The following BBS9 variants were observed in gnomAD, a reference collection of about 807,000 sequenced individuals.
BBS9 encodes the protein protein PTHB1.
A neutral mutation model predicts 117.7 loss-of-function variants in BBS9; 89 were observed. The observed-to-expected ratio is 0.76, with a 90% CI of 0.64 to 0.90. The LOEUF (loss-of-function observed/expected upper bound fraction) is 0.90, where lower values mean the gene tolerates loss of function less well. BBS9 is among the 40% of genes least tolerant of loss of function. The pLI is 0.00. For synonymous variants in BBS9, 379 were observed against 370.9 expected (o/e 1.02, Z -0.25); for missense variants, 982 against 1,042.2 (o/e 0.94, Z 0.80).
At chr7:33,412,371 A>T (rs1831303702) in intron 19 of BBS9, among the ~76,000 whole-genome samples, 1 of 152,200 alleles carries the variant, frequency 6.6e-6, no homozygotes. Context: ...TGCTCAGTAC[A>T]CATTTGTTGA....
chr7:33,495,997 G>A (rs991563603), intron 19 of BBS9, among the ~76,000 whole-genome samples: 3 of 152,008 alleles, frequency 2.0e-5, no homozygotes, highest in Non-Finnish European at 4.4e-5. Flanking sequence ...AGTGTGGATT[G>A]GTGTCCGGGA....
chr7:33,448,284 C>G (rs1238501950), intron 19 of BBS9, among the ~76,000 whole-genome samples: 1 of 152,158 alleles, frequency 6.6e-6, no homozygotes, highest in African/African-American at 2.4e-5. Context: ...GTTTCCTAGC[C>G]TTTCTGATGT....
chr7:33,627,460 C>A (rs909430440), intron 21 of BBS9, among the ~76,000 whole-genome samples: 1 of 152,204 alleles, frequency 6.6e-6, no homozygotes, highest in Non-Finnish European at 1.5e-5. Context: ...CCCAGTGGGG[C>A]ACTGCCTAGT....
At chr7:33,542,923 C>G (rs1852628235) in intron 21 of BBS9, among the ~76,000 whole-genome samples, 1 of 151,818 alleles carries the variant, frequency 6.6e-6, no homozygotes, top group Non-Finnish European at 1.5e-5. Flanking sequence ...TATAAACATG[C>G]ATGTGCAAGT....
chr7:33,359,773 T>C (rs1454963429), intron 16 of BBS9, among the ~76,000 whole-genome samples: 1 of 152,096 alleles, frequency 6.6e-6, no homozygotes, highest in East Asian at 1.9e-4. Context: ...ACTTTTACTC[T>C]ACATGTCTTC....
intron 20 of BBS9, among the ~76,000 whole-genome samples, chr7:33,516,800 A>G (rs1025449823): frequency 1.3e-5 from 2 of 152,212 alleles, no homozygotes; most frequent in Non-Finnish European, 1.5e-5. Flanking sequence ...AATTTGGTCT[A>G]TTGCCTAACA....
intron 15 of BBS9, 134 bp from the exon 16 acceptor site, chr7:33,357,721 C>T (rs1175749073): frequency 1.1e-6 from 1 of 876,168 alleles, no homozygotes; most frequent in Admixed American, 1.8e-5. Context: ...ACAGTTATTT[C>T]AGCTTTGTTA....
At chr7:33,625,177 T>C (rs779090756) in intron 21 of BBS9, among the ~76,000 whole-genome samples, 8 of 152,196 alleles carry the variant, frequency 5.3e-5, no homozygotes, top group Non-Finnish European at 7.3e-5. Flanking sequence ...TTATAGTACC[T>C]TGGGTCCTAT....
At chr7:33,451,326 C>T (rs934714042) in intron 19 of BBS9, among the ~76,000 whole-genome samples, 47 of 152,114 alleles carry the variant, frequency 3.1e-4, no homozygotes, top group African/African-American at 1.1e-3. Flanking sequence ...ATTATAGTTT[C>T]AGGTCTTATG....
At chr7:33,450,303 T>C (rs1276001592) in intron 19 of BBS9, among the ~76,000 whole-genome samples, 2 of 152,222 alleles carry the variant, frequency 1.3e-5, no homozygotes, top group East Asian at 3.8e-4. Flanking sequence ...CTTCTTCCCC[T>C]TGGCAATTGC....
At chr7:33,376,704 T>G (rs1265829058) in intron 17 of BBS9, among the ~76,000 whole-genome samples, 1 of 152,218 alleles carries the variant, frequency 6.6e-6, no homozygotes, top group African/African-American at 2.4e-5. Context: ...TGCTAGCCTC[T>G]GTTATTTTTT....
chr7:33,383,284 C>G (rs1825407362), intron 17 of BBS9, among the ~76,000 whole-genome samples: 1 of 152,136 alleles, frequency 6.6e-6, no homozygotes, highest in Non-Finnish European at 1.5e-5. Context: ...AATTTTACTT[C>G]AGTATTTTGA....
rs537506628 is a variant in BBS9 at position 33,600,449 on chromosome 7, A to G, written c.2522-4416A>G. Among the ~76,000 whole-genome samples, 48 of 152,188 alleles carry G rather than the reference A, an allele frequency of 3.2e-4. No homozygotes were observed. The South Asian group carries it at 9.7e-3, about 31-fold the overall frequency. ...TGTAAACTATAGAGAGCCGGGTTAC[A>G]GTGGTATAGAAACTTGTGTAAGCCT... is the stretch of plus-strand genomic sequence containing the variant. On this transcript the variant is annotated intron_variant, in intron 21 of 22. Transcript: ENST00000242067.
chr7:33,619,977 G>A (rs1038081384), intron 21 of BBS9, among the ~76,000 whole-genome samples: 2 of 152,042 alleles, frequency 1.3e-5, no homozygotes, highest in Non-Finnish European at 2.9e-5. Context: ...ACCAAAGTCA[G>A]CATAGGAATG....
At chr7:33,463,236 C>T (rs965245829) in intron 19 of BBS9, among the ~76,000 whole-genome samples, 6 of 152,014 alleles carry the variant, frequency 3.9e-5, no homozygotes, top group Admixed American at 2.0e-4. Flanking sequence ...CCTTGCTTAG[C>T]GTCACGTAGA....
intron 19 of BBS9, among the ~76,000 whole-genome samples, chr7:33,483,568 C>T (rs1208914248): frequency 6.6e-6 from 1 of 151,948 alleles, no homozygotes. Context: ...TGATGTTTAC[C>T]ACTGAATTCA....
At chr7:33,611,500 T>C (rs1864857325) in intron 21 of BBS9, among the ~76,000 whole-genome samples, 1 of 142,440 alleles carries the variant, frequency 7.0e-6, no homozygotes, top group African/African-American at 2.6e-5. Flanking sequence ...ATATTATATA[T>C]AAGGTATATT....
At chr7:33,146,386 A>C (rs1792350365) in intron 2 of BBS9, 22 bp downstream of exon 2, 1 of 1,561,508 alleles carries the variant, frequency 6.4e-7, no homozygotes, top group Non-Finnish European at 8.8e-7. Flanking sequence ...ACAACCATAC[A>C]TCTTGGATGA....
At chr7:33,158,223 G>T (rs1201610482) in intron 4 of BBS9, among the ~76,000 whole-genome samples, 1 of 152,124 alleles carries the variant, frequency 6.6e-6, no homozygotes, top group Non-Finnish European at 1.5e-5. Context: ...ACCTAAAATT[G>T]CACCGAAAAC....
Sources: allele counts gnomAD v4.1 joint callset (sites outside exome capture counted in the v4.1 genomes callset), GRCh38; gene constraint gnomAD v4.1.1; transcripts MANE v1.5; gene names NCBI Gene and HGNC (gene_info 2026-07-23, HGNC 2026-07-21).